PLXNB2: variants seen among roughly 807,000 people sequenced by gnomAD.
The protein encoded by PLXNB2 is plexin B2, also known as plexin-B2.
In PLXNB2, 85 loss-of-function variants were observed where a neutral mutation model predicts 202.6. The observed-to-expected ratio is 0.42, with a 90% CI of 0.35 to 0.50. PLXNB2 has a LOEUF of 0.50. Ranked by LOEUF, PLXNB2 falls within the 20% of genes least tolerant of loss-of-function variation. The pLI is 0.02. For synonymous variants in PLXNB2, 1,239 were observed against 1,137.6 expected (o/e 1.09, Z -1.79); for missense variants, 2,063 against 2,586.2 (o/e 0.80, Z 4.39).
rs1376250822 is a variant in PLXNB2 at position 50,284,296 on chromosome 22, G to A, written c.2182-83C>T. The A allele has an allele frequency of 7.6e-7, 1 of 1,314,246 alleles. No individual in the cohort carries two copies. Among genetic ancestry groups the A allele is most frequent in the South Asian group, 1.2e-5 (1 of 84,794 alleles). 81.4% of individuals were successfully genotyped at this position (1,314,246 alleles called of 1,614,324 possible). A position where few individuals can be genotyped will look rare whatever the true frequency, so the allele number is the denominator to read the frequency against. The stretch of plus-strand genomic sequence containing the variant: ...GGGGTCACAAGGGCAGCCTCCCTGT[G>A]GCCACCGGGTCCCTTCCCAGCCAAG... On this transcript the variant is annotated intron_variant, in intron 12 of 36. Transcript: ENST00000359337. The surrounding 1 kb of genome is among the most constrained non-coding windows in gnomAD (Gnocchi z 8.0).
At chr22:50,280,714 G>GGCCCACCCCC in intron 24 of PLXNB2, 30 bp downstream of exon 24, 6 of 1,528,912 alleles carry the variant, frequency 3.9e-6, no homozygotes, top group Non-Finnish European at 5.3e-6. Flanking sequence ...CCACCTGTGT[G>GGCCCACCCCC]CCCTCCCGCC....
In PLXNB2 at chr22:50,279,657, C is replaced by A. The variant is rs889451758; in HGVS notation, c.4362G>T (p.Leu1454=). ...AKYTLNDTGL[L]GDDVEYAPLT... The stretch of plus-strand genomic sequence containing the variant: ...GGGGTGCGTACTCCACATCATCCCC[C>A]AGCAGCCCCGTGTCGTTGAGAGTGT... The change falls in exon 27 of 37, where the codon CTG becomes CTT. Residue 1454 remains leucine, a synonymous_variant. Transcript: ENST00000359337. 6.2e-7 allele frequency: 1 copy of A among 1,614,004 alleles called. No individual in the cohort carries two copies. The highest frequency in any genetic ancestry group is 1.7e-5 in the Admixed American group (1 of 60,034).
intron 7 of PLXNB2, 120 bp from the exon 8 acceptor site, chr22:50,287,384 T>A (rs1175467300): frequency 8.9e-7 from 1 of 1,127,432 alleles, no homozygotes; most frequent in Non-Finnish European, 1.2e-6. Flanking sequence ...AGAACCCGAC[T>A]CCACGTCTTC....
At position 50,287,786 on chromosome 22, in the gene PLXNB2, G is replaced by C. The variant is rs371186063; in HGVS notation, c.1489C>G (p.Arg497Gly). 3.1e-5 allele frequency: 49 copies of C among 1,591,956 alleles called. No individual in the cohort carries two copies. The East Asian group carries it at 1.0e-3, about 33-fold the overall frequency. The change falls in exon 7 of 37, where the codon CGG (arginine) becomes GGG (glycine). Residue 497 changes from arginine (R) to glycine (G), a missense_variant. This residue lies in a region of PLXNB2 where 1,303 missense variants were observed against 1,476.8 expected (regional missense o/e 0.88). Transcript: ENST00000359337. Reference sequence around the variant, plus strand: ...TCGGCCCGCGGACACTCGGCCTTCCGGGTGCATCTGCAGGCGCAGGGGGCG... The same window carrying C: ...TCGGCCCGCGGACACTCGGCCTTCCCGGTGCATCTGCAGGCGCAGGGGGCG... ...GWCVVEGRCTRKAECPRAEEA... is the reference protein window; with the variant it reads ...GWCVVEGRCTGKAECPRAEEA...
intron 33 of PLXNB2, 39 bp downstream of exon 33, chr22:50,277,552 C>T (rs759931280): frequency 1.2e-5 from 19 of 1,527,698 alleles, no homozygotes; most frequent in Non-Finnish European, 1.7e-5. Flanking sequence ...GGGACAGACC[C>T]AGGCCTCCCT....
rs376746331 is a variant in PLXNB2, at chr22:50,278,020, G to A, written c.4888-7C>T. The stretch of plus-strand genomic sequence containing the variant: ...CAAACTGCTGCAGTGTGCCCTGTGG[G>A]GGGGAGGGTCTCAGCGTGACGCCGT... On this transcript the variant is annotated splice_region_variant and splice_polypyrimidine_tract_variant and intron_variant, in intron 31 of 36. Transcript: ENST00000359337. 6.8e-6 allele frequency: 11 copies of A among 1,610,468 alleles called. No individual in the cohort carries two copies. The East Asian group carries it at 1.1e-4, about 16-fold the overall frequency.
At position 50,293,522 on chromosome 22, in the gene PLXNB2, A is replaced by T. The variant is rs1601744782; in HGVS notation, c.-14+1197T>A. ...CCTCCCAGCCCCGCTCACCCGGCCC[A>T]GCTCGCTCACCCGGCCCAGCTCGGT... On this transcript the variant is annotated intron_variant, in intron 2 of 36. Coordinates refer to ENST00000359337, the MANE Select transcript of PLXNB2 (RefSeq NM_012401.4). Among the ~76,000 whole-genome samples the T allele has an allele frequency of 2.6e-5, 4 of 152,030 alleles. No individual in the cohort carries two copies. The South Asian group carries it at 8.3e-4, about 32-fold the overall frequency.
chr22:50,283,934 T>G lies in PLXNB2; in HGVS notation c.2320A>C (p.Asn774His), dbSNP rs1238613070. Residue 774 changes from asparagine to histidine, a missense_variant, in exon 14 of 37, where the codon AAC (asparagine) becomes CAC (histidine). Coordinates refer to ENST00000359337, the MANE Select transcript of PLXNB2 (RefSeq NM_012401.4). The stretch of plus-strand genomic sequence containing the variant: ...CACCACGCACACCTGTAGTCGGGGT[T>G]AGCGGCCCGGCACAGGCTGCAGTCG... ...RSDCSLCRAA[N>H]PDYRCAWCGG... 1.3e-6 allele frequency: 2 copies of G among 1,565,040 alleles called. No homozygotes were observed. The highest frequency in any genetic ancestry group is 2.4e-5 in the East Asian group (1 of 42,288).
rs1401770390 is a variant in PLXNB2, at chr22:50,283,884, A to G, written c.2370T>C (p.Tyr790=). 5 of 1,603,938 alleles carry G rather than the reference A, an allele frequency of 3.1e-6. No individual in the cohort carries two copies. Among genetic ancestry groups the G allele is most frequent in the Admixed American group, 3.4e-5 (2 of 58,624 alleles). The change falls in exon 14 of 37, where the codon TAT becomes TAC. Residue 790 remains tyrosine, a synonymous_variant. Transcript: ENST00000359337. ...CGGAGGTGGTGTTGCACAGGGCCTC[A>G]TACACGCACCTGCTCTGGCCCCCGC... ...AWCGGQSRCV[Y]EALCNTTSEC...
rs777864512 is a variant in PLXNB2, at chr22:50,290,378, C to T, written c.207G>A (p.Thr69=). ...AKLQLEQQVA[T]GPALDNKKCT... ...ACTTCTTGTTGTCCAGGGCCGGGCC[C>T]GTGGCCACCTGCTGCTCCAGCTGCA... The change falls in exon 3 of 37, where the codon ACG becomes ACA. Residue 69 remains threonine, a synonymous_variant. Coordinates refer to ENST00000359337, the MANE Select transcript of PLXNB2 (RefSeq NM_012401.4). The T allele has an allele frequency of 2.8e-5, 45 of 1,612,780 alleles. No individual in the cohort carries two copies. The highest frequency in any genetic ancestry group is 8.8e-5 in the South Asian group (8 of 91,092).
Position 50,281,119 on chromosome 22 carries a change from C to A in PLXNB2, c.3733G>T (p.Val1245Leu). 1 of 1,613,256 alleles carries A rather than the reference C, an allele frequency of 6.2e-7. No homozygotes were observed. Among genetic ancestry groups the A allele is most frequent in the Non-Finnish European group, 8.5e-7 (1 of 1,179,836 alleles). ...KSQLEGLEESVRDRCKKEFTD... is the reference protein window; with the variant it reads ...KSQLEGLEESLRDRCKKEFTD... The stretch of plus-strand genomic sequence containing the variant: ...AATTCCTTCTTGCAGCGGTCCCGCA[C>A]GCTCTCCTCCAGGCCCTCCAGCTGG... Residue 1245 changes from valine to leucine, a missense_variant, in exon 23 of 37, where the codon GTG becomes TTG. Physicochemically the swap from Val to Leu is conservative, Grantham distance 32. Transcript: ENST00000359337.
At chr22:50,286,335 A>C (rs759184793) in intron 8 of PLXNB2, 48 bp from the exon 9 acceptor site, 2 of 1,421,176 alleles carry the variant, frequency 1.4e-6, no homozygotes, top group African/African-American at 2.8e-5. Flanking sequence ...CGCAGGGCCG[A>C]GGGCCAGGCT....
At chr22:50,277,282 C>CAG (rs1005096084) in intron 33 of PLXNB2, among the ~76,000 whole-genome samples, 1 of 146,730 alleles carries the variant, frequency 6.8e-6, no homozygotes, top group Admixed American at 6.8e-5. Flanking sequence ...GCCTGGGCGA[C>CAG]AGAGAGAGAC....
At position 50,278,283 on chromosome 22, in the gene PLXNB2, G is replaced by A. The variant is rs766865347; in HGVS notation, c.4733-12C>T. 5.6e-6 allele frequency: 9 copies of A among 1,610,088 alleles called. No individual in the cohort carries two copies. The Admixed American group carries it at 6.7e-5, about 12-fold the overall frequency. ...CAGGAGGGCATGGCCTGTGGGGAGC[G>A]GGCACTGAGGGACCCCTACCCAGGT... On this transcript the variant is annotated splice_polypyrimidine_tract_variant and intron_variant, in intron 30 of 36. Transcript: ENST00000359337.
intron 1 of PLXNB2, among the ~76,000 whole-genome samples, chr22:50,298,235 C>T (rs1477726343): frequency 6.6e-6 from 1 of 152,278 alleles, no homozygotes; most frequent in Admixed American, 6.5e-5. Flanking sequence ...GTCTCCTCCC[C>T]CAACCAGAAC....
In PLXNB2 at chr22:50,277,451, C is replaced by T. The variant is rs564756027; in HGVS notation, c.5196+140G>A. 2.7e-3 allele frequency: 2,311 copies of T among 860,754 alleles called. 2 individuals are homozygous for T. Among genetic ancestry groups the T allele is most frequent in the African/African-American group, 3.5e-3 (202 of 58,178 alleles). 53.3% of individuals were successfully genotyped at this position (860,754 alleles called of 1,614,324 possible). A position where few individuals can be genotyped will look rare whatever the true frequency, so the allele number is the denominator to read the frequency against. On this transcript the variant is annotated intron_variant, in intron 33 of 36. Transcript: ENST00000359337. ...GCCGGGCCCCTGTGCCCCCAGCCTC[C>T]GCCACCCGTCACCTCCTACATCAAG... is the stretch of plus-strand genomic sequence containing the variant.
rs749976278 is a variant in PLXNB2 at position 50,283,783 on chromosome 22, G to T, written c.2422-33C>A. On this transcript the variant is annotated intron_variant, in intron 14 of 36. Transcript: ENST00000359337. The stretch of plus-strand genomic sequence containing the variant: ...CACAGAGCCGGGTGAGCAGGGAGGG[G>T]CTCATGCCAGGGACGAGGGAAGGTG... 7.4e-6 allele frequency: 12 copies of T among 1,612,842 alleles called. No individual in the cohort carries two copies. In the South Asian group the frequency reaches 1.3e-4, roughly 18 times the overall value.
Position 50,283,936 on chromosome 22 carries a change from G to T in PLXNB2, c.2318C>A (p.Ala773Asp). ...GRSDCSLCRA[A>D]NPDYRCAWCG... Reference sequence around the variant, plus strand: ...CCACGCACACCTGTAGTCGGGGTTAGCGGCCCGGCACAGGCTGCAGTCGCT... The same window carrying T: ...CCACGCACACCTGTAGTCGGGGTTATCGGCCCGGCACAGGCTGCAGTCGCT... Residue 773 changes from alanine (A) to aspartate (D), a missense_variant, in exon 14 of 37, where the codon GCT becomes GAT. Physicochemically the swap from Ala to Asp is moderately radical, Grantham distance 126. Coordinates refer to ENST00000359337, the MANE Select transcript of PLXNB2 (RefSeq NM_012401.4). The T allele has an allele frequency of 6.4e-7, 1 of 1,564,080 alleles. No homozygotes were observed. Among genetic ancestry groups the T allele is most frequent in the Non-Finnish European group, 8.6e-7 (1 of 1,156,160 alleles).
At position 50,297,775 on chromosome 22, in the gene PLXNB2, C is replaced by T. The variant is rs2067382505; in HGVS notation, c.-73-2997G>A. On this transcript the variant is annotated intron_variant, in intron 1 of 36. Transcript: ENST00000359337. The surrounding 1 kb of genome is among the most constrained non-coding windows in gnomAD (Gnocchi z 5.3). ...CCCAGCTCTGTCACGTTCTAGCTGG[C>T]TCATGTGGGCCATTCAGAAAGCTGC... 6.6e-6 allele frequency among the ~76,000 whole-genome samples: 1 copy of T among 152,208 alleles called. No individual in the cohort carries two copies. The highest frequency in any genetic ancestry group is 2.4e-5 in the African/African-American group (1 of 41,444).
Sources: allele counts gnomAD v4.1 joint callset (sites outside exome capture counted in the v4.1 genomes callset), GRCh38; gene constraint gnomAD v4.1.1; regional missense constraint gnomAD v4.1.1; non-coding constraint Gnocchi (gnomAD v3.1); transcripts MANE v1.5; gene names NCBI Gene and HGNC (gene_info 2026-07-23, HGNC 2026-07-21).